The following PCDHA6 variants were observed in gnomAD, a reference collection of about 807,000 sequenced individuals.
PCDHA6 encodes protocadherin alpha 6.
In PCDHA6, 55 loss-of-function variants were observed where a neutral mutation model predicts 60.3. That is an observed-to-expected ratio of 0.91 (90% CI 0.73 to 1.14). The LOEUF is 1.14. Ranked by LOEUF, PCDHA6 falls within the 50% of genes most tolerant of loss-of-function variation. The pLI is 0.00. For missense variants in PCDHA6, 1,327 were observed against 1,256.5 expected, an observed-to-expected ratio of 1.06 and a Z score of -0.85; for synonymous variants, 652 against 557.9, an observed-to-expected ratio of 1.17 and a Z score of -2.38.
At chr5:140,862,583 A>C in intron 1 of PCDHA6, 1 of 494,044 alleles carries the variant, frequency 2.0e-6, no homozygotes, top group South Asian at 1.6e-5. Flanking sequence ...GCGTTCCAGC[A>C]GCCCGAGTAC....
intron 1 of PCDHA6, chr5:140,877,968 C>A: frequency 7.9e-7 from 1 of 1,272,970 alleles, no homozygotes; most frequent in Non-Finnish European, 1.0e-6. Context: ...CTTTCTTGGT[C>A]ATTCTTACTC....
At chr5:140,941,220 TTTC>T (rs2092903024) in intron 1 of PCDHA6, among the ~76,000 whole-genome samples, 1 of 131,326 alleles carries the variant, frequency 7.6e-6, no homozygotes, top group Non-Finnish European at 1.6e-5. Flanking sequence ...TCTTCCTTTC[TTTC>T]TTTCTTTCTT....
Position 140,829,283 on chromosome 5 carries a change from G to C in PCDHA6, c.1192G>C (p.Val398Leu). Residue 398 changes from valine (V) to leucine (L), a missense_variant, in exon 1 of 4, where the codon GTG becomes CTG. Transcript: ENST00000529310. ...SLTPHVPFKL[V>L]STFKNYYSLV... is the part of the protein sequence containing the mutation. ...GACGCCTCACGTCCCTTTCAAGCTG[G>C]TGTCCACCTTCAAGAATTACTACTC... The C allele has an allele frequency of 6.2e-7, 1 of 1,614,260 alleles. No homozygotes were observed.
At chr5:140,844,934 G>T (rs1554140786) in intron 1 of PCDHA6, among the ~76,000 whole-genome samples, 1 of 149,226 alleles carries the variant, frequency 6.7e-6, no homozygotes, top group African/African-American at 2.5e-5. Context: ...GGGAATGAAC[G>T]ATTTCTGGGA....
chr5:140,928,904 G>T, intron 1 of PCDHA6: 1 of 1,614,180 alleles, frequency 6.2e-7, no homozygotes, highest in Non-Finnish European at 8.5e-7. Flanking sequence ...GAAGATGTCT[G>T]GGAACCAGGA....
intron 3 of PCDHA6, among the ~76,000 whole-genome samples, chr5:141,005,325 A>G (rs1430982331): frequency 6.6e-6 from 1 of 152,226 alleles, no homozygotes; most frequent in Non-Finnish European, 1.5e-5. Context: ...GTAGAGAATA[A>G]TAGGCCAAGG....
chr5:140,861,270 A>G (rs900401240), intron 1 of PCDHA6: 2 of 180,284 alleles, frequency 1.1e-5, no homozygotes, highest in South Asian at 1.2e-4. Flanking sequence ...AGCCTACAGC[A>G]CTGGCTTCTG....
At position 140,869,505 on chromosome 5, in the gene PCDHA6, G is replaced by A. The variant is rs376431150; in HGVS notation, c.2394+39020G>A. On this transcript the variant is annotated intron_variant, in intron 1 of 3. Coordinates refer to ENST00000529310, the MANE Select transcript of PCDHA6 (RefSeq NM_018909.4). ...TTAACGACAACCCGCCGGTGTTCTCGCTCAGAGAACAAAAGCTGCTGATTG... is the reference window on the plus strand; with the variant it reads ...TTAACGACAACCCGCCGGTGTTCTCACTCAGAGAACAAAAGCTGCTGATTG... 89 of 1,614,192 alleles carry A rather than the reference G, an allele frequency of 5.5e-5. No individual in the cohort carries two copies. In the African/African-American group the frequency reaches 1.1e-3, roughly 19 times the overall value.
chr5:140,950,278 G>A (rs2094467824), intron 1 of PCDHA6, among the ~76,000 whole-genome samples: 1 of 151,868 alleles, frequency 6.6e-6, no homozygotes, highest in African/African-American at 2.4e-5. Context: ...ATGTCTTTTT[G>A]CTTCAACCTG....
intron 1 of PCDHA6, among the ~76,000 whole-genome samples, chr5:140,957,165 A>C (rs2095338056): frequency 6.6e-6 from 1 of 152,190 alleles, no homozygotes; most frequent in African/African-American, 2.4e-5. Context: ...AAATCTAAGT[A>C]TATAAATTGG....
intron 1 of PCDHA6, chr5:140,869,708 G>C: frequency 9.3e-6 from 15 of 1,613,408 alleles, no homozygotes; most frequent in Non-Finnish European, 1.3e-5. Flanking sequence ...TCTCTGGATA[G>C]AGAGAAAACT....
At chr5:140,902,615 G>A in intron 1 of PCDHA6, among the ~76,000 whole-genome samples, 1 of 152,010 alleles carries the variant, frequency 6.6e-6, no homozygotes, top group East Asian at 1.9e-4. Context: ...AGTTACATGG[G>A]TAAGTTATTT....
chr5:140,872,791 G>A (rs549291235), intron 1 of PCDHA6, among the ~76,000 whole-genome samples: 1 of 152,194 alleles, frequency 6.6e-6, no homozygotes, highest in South Asian at 2.1e-4. Flanking sequence ...TATGCTAGTT[G>A]GCATTCTTCC....
At chr5:140,854,262 A>G in intron 1 of PCDHA6, 1 of 592,128 alleles carries the variant, frequency 1.7e-6, no homozygotes, top group South Asian at 7.2e-5. Flanking sequence ...TAAAATGTAC[A>G]TTAGTAGAAA....
At chr5:140,975,200 C>T (rs1469690831) in intron 1 of PCDHA6, among the ~76,000 whole-genome samples, 1 of 152,224 alleles carries the variant, frequency 6.6e-6, no homozygotes, top group Non-Finnish European at 1.5e-5. Context: ...GCTCCATCTT[C>T]ATGGCTGGCA....
At position 140,852,209 on chromosome 5, in the gene PCDHA6, A is replaced by AATTTTTATTTT. The variant is rs1554145712; in HGVS notation, c.2394+21725_2394+21726insTTTTTATTTTA. The AATTTTTATTTT allele has an allele frequency of 1.2e-5, 8 of 650,776 alleles. No homozygotes were observed. The East Asian group carries it at 1.1e-3, about 87-fold the overall frequency. 40.3% of individuals were successfully genotyped at this position (650,776 alleles called of 1,614,324 possible). ...AATGCCAGTAACGTTTATTTAAAAC[A>AATTTTTATTTT]AAATATTTTAATTTTTAAATTTTCC... is the stretch of plus-strand genomic sequence containing the variant. On this transcript the variant is annotated intron_variant, in intron 1 of 3. Coordinates refer to ENST00000529310, the MANE Select transcript of PCDHA6 (RefSeq NM_018909.4).
At chr5:140,980,358 G>A (rs143597147) in intron 2 of PCDHA6, among the ~76,000 whole-genome samples, 260 of 152,274 alleles carry the variant, frequency 1.7e-3, no homozygotes, top group South Asian at 0.014. Context: ...TGGACTGGGC[G>A]CGGTGGCTCA....
intron 1 of PCDHA6, among the ~76,000 whole-genome samples, chr5:140,955,756 A>G (rs987029779): frequency 2.6e-5 from 4 of 152,182 alleles, no homozygotes; most frequent in African/African-American, 9.7e-5. Flanking sequence ...TATTGCCATA[A>G]CACTGATTCT....
intron 1 of PCDHA6, among the ~76,000 whole-genome samples, chr5:140,901,437 C>G (rs1554189835): frequency 1.3e-5 from 2 of 152,132 alleles, no homozygotes; most frequent in Non-Finnish European, 2.9e-5. Flanking sequence ...ATATGGATAT[C>G]TAGTTTCCCA....
Sources: allele counts gnomAD v4.1 joint callset (sites outside exome capture counted in the v4.1 genomes callset), GRCh38; gene constraint gnomAD v4.1.1; transcripts MANE v1.5; gene names NCBI Gene and HGNC (gene_info 2026-07-23, HGNC 2026-07-21).